Variants in FAAH2 observed in about 807,000 individuals in gnomAD.
FAAH2 encodes fatty acid amide hydrolase 2.
In FAAH2, 60 loss-of-function variants were observed where a neutral mutation model predicts 36.9. The observed-to-expected ratio is 1.63, with a 90% CI of 1.32 to 2.02. The LOEUF is 2.02. FAAH2 is among the 30% of genes most tolerant of loss of function. The pLI is 0.00. For missense variants in FAAH2, 689 were observed against 397.5 expected (o/e 1.73, Z -6.23); for synonymous variants, 214 against 143.8 (o/e 1.49, Z -3.49).
intron 7 of FAAH2, among the ~76,000 whole-genome samples, chrX:57,404,407 T>C (rs1325410811): frequency 8.9e-6 from 1 of 112,152 alleles, no homozygotes; most frequent in African/African-American, 3.2e-5. Flanking sequence ...TATGAATATG[T>C]GCCTCCCTTT....
chrX:57,486,160 A>C (rs912816796), intron 10 of FAAH2, among the ~76,000 whole-genome samples: 11 of 112,084 alleles, frequency 9.8e-5, no homozygotes, highest in Non-Finnish European at 3.8e-5. Flanking sequence ...ATCTGTAGTC[A>C]GTCAGGGCCA....
chrX:57,173,422 T>C, the FAAH2 span, among the ~76,000 whole-genome samples: 2 of 112,377 alleles, frequency 1.8e-5, no homozygotes, highest in Non-Finnish European at 3.8e-5. Flanking sequence ...TTTGTGTGCA[T>C]TACTTTTGTA....
At chrX:57,360,038 G>C (rs1476454349) in intron 5 of FAAH2, among the ~76,000 whole-genome samples, 5 of 107,420 alleles carry the variant, frequency 4.7e-5, no homozygotes, top group Admixed American at 2.0e-4. Flanking sequence ...GGTTTCTGCT[G>C]GGAAATATGG....
the FAAH2 span, among the ~76,000 whole-genome samples, chrX:57,274,496 A>ACAAT: frequency 2.7e-5 from 3 of 112,315 alleles, no homozygotes; most frequent in African/African-American, 9.7e-5. Context: ...TATCGATGTG[A>ACAAT]CAATGCTCAA....
chrX:57,238,186 C>T, the FAAH2 span, among the ~76,000 whole-genome samples: 1 of 111,892 alleles, frequency 8.9e-6, no homozygotes, highest in African/African-American at 3.2e-5. Flanking sequence ...TGCCATAAAA[C>T]ATATGAATGC....
intron 1 of FAAH2, among the ~76,000 whole-genome samples, chrX:57,289,030 C>A (rs1197185841): frequency 1.8e-5 from 2 of 111,964 alleles, no homozygotes; most frequent in Non-Finnish European, 3.8e-5. Context: ...TTCTTAAACA[C>A]CTACCATGTG....
At chrX:57,407,831 G>T (rs1490499504) in intron 7 of FAAH2, among the ~76,000 whole-genome samples, 1 of 111,965 alleles carries the variant, frequency 8.9e-6, no homozygotes, top group Non-Finnish European at 1.9e-5. Flanking sequence ...TTTGTGTATG[G>T]TTTAAGATAA....
At chrX:57,209,607 A>G in the FAAH2 span, among the ~76,000 whole-genome samples, 1 of 111,417 alleles carries the variant, frequency 9.0e-6, no homozygotes, top group African/African-American at 3.3e-5. Flanking sequence ...AGTGGGAATG[A>G]GTCTCTTTCA....
the FAAH2 span, among the ~76,000 whole-genome samples, chrX:57,258,144 A>T: frequency 1.8e-5 from 2 of 111,102 alleles, 1 homozygote; most frequent in Admixed American, 1.9e-4. Flanking sequence ...TATAACCTAA[A>T]CTCTATGGCA....
chrX:57,400,487 T>A (rs987614860), intron 7 of FAAH2, among the ~76,000 whole-genome samples: 4 of 112,305 alleles, frequency 3.6e-5, no homozygotes, highest in Non-Finnish European at 7.5e-5. Flanking sequence ...GGGACTTGGG[T>A]TAGAGCCTTC....
At chrX:57,394,679 T>G in intron 7 of FAAH2, 1 of 928,167 alleles carries the variant, frequency 1.1e-6, no homozygotes, top group South Asian at 2.0e-5. Flanking sequence ...TTCTCCCATT[T>G]GTTTTTTTTA....
chrX:57,217,099 C>A, the FAAH2 span, among the ~76,000 whole-genome samples: 1 of 111,064 alleles, frequency 9.0e-6, no homozygotes, highest in East Asian at 2.9e-4. Flanking sequence ...CTATTCATGT[C>A]CTTAGCCCAC....
chrX:57,430,203 C>G (rs763265793), intron 7 of FAAH2, among the ~76,000 whole-genome samples: 2 of 111,648 alleles, frequency 1.8e-5, no homozygotes, highest in East Asian at 5.6e-4. Context: ...ACAAAAACAC[C>G]TCTATTGTTC....
chrX:57,317,528 GACAA>G (rs1370847002), intron 3 of FAAH2, among the ~76,000 whole-genome samples: 4 of 111,570 alleles, frequency 3.6e-5, no homozygotes, highest in Non-Finnish European at 7.5e-5. Flanking sequence ...AGTTTTTAGA[GACAA>G]ACAAAGAGAC....
At chrX:57,182,921 C>T in the FAAH2 span, among the ~76,000 whole-genome samples, 2 of 110,770 alleles carry the variant, frequency 1.8e-5, no homozygotes, top group South Asian at 3.8e-4. Context: ...GGCCATTATC[C>T]CTAGAAAACT....
intron 7 of FAAH2, among the ~76,000 whole-genome samples, chrX:57,420,018 C>T (rs761704469): frequency 9.0e-6 from 1 of 111,631 alleles, no homozygotes; most frequent in South Asian, 3.7e-4. Flanking sequence ...TGTCAAAGAT[C>T]AGATAGTTGT....
intron 7 of FAAH2, among the ~76,000 whole-genome samples, chrX:57,388,364 A>G (rs1489254364): frequency 9.0e-6 from 1 of 111,166 alleles, no homozygotes; most frequent in African/African-American, 3.3e-5. Flanking sequence ...TTTGTGGGGG[A>G]TATTTTATAA....
At chrX:57,134,972 G>A in the FAAH2 span, 1 of 111,871 alleles carries the variant, frequency 8.9e-6, no homozygotes, top group Non-Finnish European at 1.9e-5. Context: ...TTTGACAGTT[G>A]CCACTTCCTT....
At chrX:57,144,113 T>C in the FAAH2 span, among the ~76,000 whole-genome samples, 1 of 112,217 alleles carries the variant, frequency 8.9e-6, no homozygotes, top group Non-Finnish European at 1.9e-5. Context: ...TTTTTCCTTC[T>C]GCACTTTCAA....
Sources: gnomAD v4.1 joint callset for allele counts (sites outside exome capture counted in the v4.1 genomes callset) on GRCh38, gnomAD v4.1.1 for gene constraint, MANE v1.5 for transcripts, NCBI Gene and HGNC (gene_info 2026-07-23, HGNC 2026-07-21) for gene names.